OTOA: variants seen among roughly 807,000 people sequenced by gnomAD.
OTOA encodes otoancorin.
In OTOA, 70 loss-of-function variants were observed where a neutral mutation model predicts 110.8. That is an observed-to-expected ratio of 0.63 (90% CI 0.52 to 0.77). The LOEUF is 0.77. OTOA is among the 30% of genes least tolerant of loss of function. OTOA has a pLI of 0.00. For synonymous variants in OTOA, 373 were observed against 431.5 expected (o/e 0.86, Z 1.68); for missense variants, 917 against 1,075.8 (o/e 0.85, Z 2.06).
intron 12 of OTOA, among the ~76,000 whole-genome samples, chr16:21,705,799 C>A (rs529348716): frequency 6.6e-6 from 1 of 152,054 alleles, no homozygotes; most frequent in Non-Finnish European, 1.5e-5. Context: ...CAAAAACAGG[C>A]GTGGTGGCAT....
intron 1 of OTOA, among the ~76,000 whole-genome samples, chr16:21,667,478 C>G (rs7195259): frequency 0.057 from 8,682 of 152,060 alleles, 298 homozygotes; most frequent in Middle Eastern, 0.097. Context: ...CACGGCGAAA[C>G]CCTGTCTCTA....
chr16:21,735,136 G>GAAA (rs1194921869), intron 21 of OTOA, among the ~76,000 whole-genome samples: 1 of 72,752 alleles, frequency 1.4e-5, no homozygotes, highest in Admixed American at 1.7e-4. Context: ...ACAAGACTCT[G>GAAA]AAAAAAAAAA....
chr16:21,744,394 G>A (rs1899589369), intron 23 of OTOA, among the ~76,000 whole-genome samples: 2 of 149,424 alleles, frequency 1.3e-5, no homozygotes, highest in Admixed American at 1.3e-4. Context: ...TGATCTGCAT[G>A]CCTTGGCCTC....
chr16:21,741,811 CAGG>C (rs1899516047), intron 23 of OTOA, among the ~76,000 whole-genome samples: 1 of 113,342 alleles, frequency 8.8e-6, no homozygotes, highest in African/African-American at 3.0e-5. Flanking sequence ...GAGGCTGAGG[CAGG>C]AGAATTGCTT....
intron 11 of OTOA, among the ~76,000 whole-genome samples, chr16:21,703,537 C>A (rs1203270043): frequency 1.3e-5 from 2 of 152,146 alleles, no homozygotes; most frequent in Non-Finnish European, 2.9e-5. Context: ...ACGTGTTGGA[C>A]ACTTAGGATG....
intron 1 of OTOA, among the ~76,000 whole-genome samples, chr16:21,675,068 T>TCTTTCTTA (rs1966854697): frequency 3.9e-5 from 1 of 25,534 alleles, no homozygotes; most frequent in African/African-American, 3.4e-4. Context: ...TTTCTGTCTT[T>TCTTTCTTA]CTTTCTTTCT....
Position 21,685,311 on chromosome 16 carries a change from C to T in OTOA, c.349C>T (p.Gln117Ter), listed in dbSNP as rs1399720818. 1 of 1,613,092 alleles carries T rather than the reference C, an allele frequency of 6.2e-7. No individual in the cohort carries two copies. Among genetic ancestry groups the T allele is most frequent in the Non-Finnish European group, 8.5e-7 (1 of 1,179,382 alleles). Reference sequence around the variant, plus strand: ...GGACCTGAGGAAGACAGACGCCCAGCAGTTCCGCACTGCCATGAAATGCCT... The same window carrying T: ...GGACCTGAGGAAGACAGACGCCCAGTAGTTCCGCACTGCCATGAAATGCCT... ...LEDLRKTDAQ[Q>*]FRTAMKCLLE... Residue 117 changes from glutamine (Q) to a stop codon, truncating the protein, a stop_gained, in exon 7 of 29, where the codon CAG (glutamine) becomes TAG (stop). Coordinates refer to ENST00000646100, the MANE Select transcript of OTOA (RefSeq NM_144672.4). LOFTEE classifies it high-confidence loss of function.
At chr16:21,681,938 G>T (rs909440427) in intron 6 of OTOA, 113 bp downstream of exon 6, 2 of 967,464 alleles carry the variant, frequency 2.1e-6, no homozygotes, top group Non-Finnish European at 3.3e-6. Flanking sequence ...CTTTGCTTCT[G>T]CAAGGAAAAG....
intron 8 of OTOA, among the ~76,000 whole-genome samples, chr16:21,689,891 G>A (rs1197928321): frequency 1.3e-5 from 2 of 152,004 alleles, no homozygotes; most frequent in South Asian, 2.1e-4. Flanking sequence ...TCATCATATT[G>A]GTCAGGCTGG....
chr16:21,703,187 C>T (rs1210473561), intron 11 of OTOA, among the ~76,000 whole-genome samples: 1 of 152,102 alleles, frequency 6.6e-6, no homozygotes, highest in Non-Finnish European at 1.5e-5. Context: ...CTGTAGTCAG[C>T]ATGTACAATA....
chr16:21,670,228 A>C (rs928794993), intron 1 of OTOA, among the ~76,000 whole-genome samples: 3 of 151,838 alleles, frequency 2.0e-5, no homozygotes, highest in African/African-American at 7.3e-5. Flanking sequence ...GAGCGCTCAC[A>C]ATGGCCTGAA....
Position 21,709,897 on chromosome 16 carries a change from G to C in OTOA, c.1114G>C (p.Glu372Gln). Residue 372 changes from glutamate (E) to glutamine (Q), a missense_variant, in exon 13 of 29, where the codon GAA becomes CAA. By Grantham distance (29) the Glu-to-Gln change is conservative. This residue lies in a region of OTOA where 840 missense variants were observed against 910.2 expected (regional missense o/e 0.92). Transcript: ENST00000646100. ...TTTGCTCTCCTTCCAGCTCAAAGCA[G>C]AACTCCTGGACATTGCCATGGAGAA... ...FQAGVQKLKA[E>Q]LLDIAMENQT... 1 of 1,613,510 alleles carries C rather than the reference G, an allele frequency of 6.2e-7. No homozygotes were observed. The highest frequency in any genetic ancestry group is 8.5e-7 in the Non-Finnish European group (1 of 1,179,494).
chr16:21,744,350 T>C (rs1597862977), intron 23 of OTOA, among the ~76,000 whole-genome samples: 3 of 152,220 alleles, frequency 2.0e-5, no homozygotes, highest in Admixed American at 6.5e-5. Flanking sequence ...TTTCGTTATG[T>C]TGGCCAGGCT....
Position 21,758,821 on chromosome 16 carries a change from G to A in OTOA, c.3349+1544G>A, listed in dbSNP as rs561610573. Among the ~76,000 whole-genome samples the A allele has an allele frequency of 2.4e-3, 368 of 151,728 alleles. 2 individuals are homozygous for A. Among genetic ancestry groups the A allele is most frequent in the African/African-American group, 8.3e-3 (343 of 41,332 alleles). On this transcript the variant is annotated intron_variant, in intron 28 of 28. Coordinates refer to ENST00000646100, the MANE Select transcript of OTOA (RefSeq NM_144672.4). ...TTTTGAGACCAGCCTGGCCAACATG[G>A]CAAAACCCCGTCTCTACTAAAAATA...
At chr16:21,704,860 G>A (rs1898124683) in intron 11 of OTOA, 2 of 765,488 alleles carry the variant, frequency 2.6e-6, no homozygotes, top group South Asian at 1.4e-5. Context: ...ACAAGGTGAT[G>A]CTGGGAGGTG....
At chr16:21,701,725 C>G (rs758487743) in intron 11 of OTOA, among the ~76,000 whole-genome samples, 73 of 152,048 alleles carry the variant, frequency 4.8e-4, no homozygotes, top group Non-Finnish European at 1.5e-4. Context: ...TTCAAGCAAT[C>G]CTCATGCCTC....
intron 19 of OTOA, among the ~76,000 whole-genome samples, chr16:21,727,444 G>T (rs1898957640): frequency 6.6e-6 from 1 of 152,116 alleles, no homozygotes; most frequent in South Asian, 2.1e-4. Context: ...TTTAAAAAAT[G>T]GATAATAGTA....
intron 13 of OTOA, among the ~76,000 whole-genome samples, chr16:21,712,396 AG>A (rs1275150279): frequency 1.3e-5 from 2 of 152,068 alleles, no homozygotes; most frequent in Non-Finnish European, 2.9e-5. Flanking sequence ...TACTCCTTAA[AG>A]GTCATGTTTA....
At chr16:21,668,861 A>T (rs571693175) in intron 1 of OTOA, among the ~76,000 whole-genome samples, 2 of 151,966 alleles carry the variant, frequency 1.3e-5, no homozygotes, top group Admixed American at 1.3e-4. Flanking sequence ...TCTCTCTGTA[A>T]TATATTGGCT....
Sources: gnomAD v4.1 joint callset for allele counts (sites outside exome capture counted in the v4.1 genomes callset) on GRCh38, gnomAD v4.1.1 for gene constraint, gnomAD v4.1.1 regional missense constraint, MANE v1.5 for transcripts, NCBI Gene and HGNC (gene_info 2026-07-23, HGNC 2026-07-21) for gene names.